Variants in HSPG2 observed in about 807,000 individuals in gnomAD.
HSPG2 encodes basement membrane-specific heparan sulfate proteoglycan core protein.
In HSPG2, 278 loss-of-function variants were observed where a neutral mutation model predicts 526.6. The ratio of observed to expected loss-of-function variants is 0.53; its 90% CI spans 0.48 to 0.58. The LOEUF (loss-of-function observed/expected upper bound fraction) is 0.58. HSPG2 is among the 20% of genes least tolerant of loss of function. HSPG2 has a pLI of 0.00. For missense variants in HSPG2, 5,354 were observed against 6,099.5 expected (o/e 0.88, Z 4.07); for synonymous variants, 2,465 against 2,555.4 (o/e 0.96, Z 1.07).
rs1467290199 is a variant in HSPG2 at position 21,898,944 on chromosome 1, CG to C, written c.64-2635del. Among the ~76,000 whole-genome samples the C allele has an allele frequency of 6.6e-6, 1 of 152,168 alleles. No homozygotes were observed. Among genetic ancestry groups the C allele is most frequent in the Non-Finnish European group, 1.5e-5 (1 of 68,030 alleles). On this transcript the variant is annotated intron_variant, in intron 1 of 96. Coordinates refer to ENST00000374695, the MANE Select transcript of HSPG2 (RefSeq NM_005529.7). The surrounding 1 kb of genome is among the most constrained non-coding windows in gnomAD (Gnocchi z 4.0). ...CAGGGAGCTGGTCAGCGGGTGGCGG[CG>C]GGGGTGGCCTTGGGACCAGACAGGA...
intron 1 of HSPG2, among the ~76,000 whole-genome samples, chr1:21,934,841 C>T (rs1644442871): frequency 6.6e-6 from 1 of 152,114 alleles, no homozygotes; most frequent in Admixed American, 6.5e-5. Flanking sequence ...ATGATCCGCT[C>T]GCCTCGGCCT....
At position 21,885,076 on chromosome 1, in the gene HSPG2, A is replaced by G. The variant is rs765324114; in HGVS notation, c.1292T>C (p.Ile431Thr). The change falls in exon 11 of 97, where the codon ATT becomes ACT. Residue 431 changes from isoleucine to threonine, a missense_variant. Ile to Thr is a moderately conservative substitution (Grantham distance 89, BLOSUM62 -1). Transcript: ENST00000374695. Reference sequence around the variant, plus strand: ...ATTGATGATGGGGGTGGGGACGCCAATGGCCACGCAGGTGAAGGTCACTGT... The same window carrying G: ...ATTGATGATGGGGGTGGGGACGCCAGTGGCCACGCAGGTGAAGGTCACTGT... ...GQTVTFTCVAIGVPTPIINWR... is the reference protein window; with the variant it reads ...GQTVTFTCVATGVPTPIINWR... 1.1e-5 allele frequency: 18 copies of G among 1,613,774 alleles called. No homozygotes were observed. The highest frequency in any genetic ancestry group is 1.5e-5 in the Non-Finnish European group (18 of 1,179,982).
intron 57 of HSPG2, among the ~76,000 whole-genome samples, chr1:21,849,559 G>A (rs1320729773): frequency 2.0e-5 from 3 of 152,192 alleles, no homozygotes; most frequent in African/African-American, 7.2e-5. Flanking sequence ...TTTTCTTAGA[G>A]GTACATAAAA....
In HSPG2 at chr1:21,860,133, C is replaced by T. The variant is rs781196026; in HGVS notation, c.5014+44G>A. Reference sequence around the variant, plus strand: ...GTATCCCCCAAATTCCCAGGGCTCCCTGCCTTGCCCATCGTCCCCATCCTG... The same window carrying T: ...GTATCCCCCAAATTCCCAGGGCTCCTTGCCTTGCCCATCGTCCCCATCCTG... On this transcript the variant is annotated intron_variant, in intron 40 of 96. Transcript: ENST00000374695. 5 of 1,611,330 alleles carry T rather than the reference C, an allele frequency of 3.1e-6. No individual in the cohort carries two copies. The African/African-American group carries it at 5.3e-5, about 17-fold the overall frequency.
At position 21,853,055 on chromosome 1, in the gene HSPG2, C is replaced by A. The variant is rs543135354; in HGVS notation, c.6455G>T (p.Arg2152Leu). 6.2e-7 allele frequency: 1 copy of A among 1,613,812 alleles called. No homozygotes were observed. Among genetic ancestry groups the A allele is most frequent in the Admixed American group, 1.7e-5 (1 of 60,020 alleles). ...GGAGGAGGGCTCGATGCGGATGGGC[C>A]GGGTGCTGCCGGGCACTGGACACAG... ...PSYTPVPGST[R>L]PIRIEPSSSH... The change falls in exon 51 of 97, where the codon CGG becomes CTG. Residue 2152 changes from arginine (R) to leucine (L), a missense_variant. Transcript: ENST00000374695.
At chr1:21,843,254 C>T (rs777331551) in intron 66 of HSPG2, 43 bp downstream of exon 66, 60 of 1,612,794 alleles carry the variant, frequency 3.7e-5, no homozygotes, top group Admixed American at 6.7e-5. Context: ...GAAGGAGCCC[C>T]GCGCCTGTGC....
At chr1:21,910,779 C>T (rs1250503975) in intron 1 of HSPG2, among the ~76,000 whole-genome samples, 1 of 152,112 alleles carries the variant, frequency 6.6e-6, no homozygotes, top group East Asian at 1.9e-4. Context: ...ACGTTGCCAG[C>T]TCTCAGCTTG....
chr1:21,872,683 G>A lies in HSPG2; in HGVS notation c.3966C>T (p.Cys1322=). The change falls in exon 32 of 97, where the codon TGC becomes TGT. Residue 1322 remains cysteine, a synonymous_variant. Coordinates refer to ENST00000374695, the MANE Select transcript of HSPG2 (RefSeq NM_005529.7). This position sits in a 1 kb window ranked among gnomAD's most constrained non-coding sequence, Gnocchi z 5.5. ...TGATGCCCATACAGAAGCAGGGCAG[G>A]CAGCCGTCTGGGTTGCTGGCACTCA... ...FHLSASNPDG[C]LPCFCMGITQ... The A allele has an allele frequency of 6.2e-7, 1 of 1,606,420 alleles. No homozygotes were observed. Among genetic ancestry groups the A allele is most frequent in the Admixed American group, 1.7e-5 (1 of 58,414 alleles).
chr1:21,828,074 C>T lies in HSPG2; in HGVS notation c.12488G>A (p.Arg4163His), dbSNP rs900810600. ...CLHGGTCQGT[R>H]CLCLPGFSGP... ...AGAGAAGCCAGGGAGGCAGAGGCAGCGGGTGCCCTGGCAGGTGCCCCCATG... is the reference window on the plus strand; with the variant it reads ...AGAGAAGCCAGGGAGGCAGAGGCAGTGGGTGCCCTGGCAGGTGCCCCCATG... The change falls in exon 90 of 97, where the codon CGC (arginine) becomes CAC (histidine). Residue 4163 changes from arginine to histidine, a missense_variant. Arg to His is a conservative substitution (Grantham distance 29). Transcript: ENST00000374695. The surrounding 1 kb of genome is among the most constrained non-coding windows in gnomAD (Gnocchi z 6.0). 11 of 1,603,484 alleles carry T rather than the reference C, an allele frequency of 6.9e-6. No homozygotes were observed. Among genetic ancestry groups the T allele is most frequent in the Middle Eastern group, 1.7e-4 (1 of 6,032 alleles).
rs1643272975 is a variant in HSPG2, at chr1:21,904,616, A to C, written c.64-8306T>G. On this transcript the variant is annotated intron_variant, in intron 1 of 96. Transcript: ENST00000374695. This position sits in a 1 kb window ranked among gnomAD's most constrained non-coding sequence, Gnocchi z 4.4. ...GGCTGAATGAGCTGCCTGCCAGCTT[A>C]CAGGGAACCAGGAAGCCACCGGGAA... is the stretch of plus-strand genomic sequence containing the variant. Among the ~76,000 whole-genome samples, 1 of 152,182 alleles carries C rather than the reference A, an allele frequency of 6.6e-6. No homozygotes were observed. The highest frequency in any genetic ancestry group is 2.1e-4 in the South Asian group (1 of 4,826).
Position 21,865,092 on chromosome 1 carries a change from C to A in HSPG2, c.4396-19G>T, listed in dbSNP as rs141591434. Reference sequence around the variant, plus strand: ...AGAATTCCTGGGTTGGGGGTGGCAACGTGGGCGGGGGCAGTGGGCTTTGTG... The same window carrying A: ...AGAATTCCTGGGTTGGGGGTGGCAAAGTGGGCGGGGGCAGTGGGCTTTGTG... On this transcript the variant is annotated intron_variant, in intron 35 of 96. Coordinates refer to ENST00000374695, the MANE Select transcript of HSPG2 (RefSeq NM_005529.7). The surrounding 1 kb of genome is among the most constrained non-coding windows in gnomAD (Gnocchi z 5.4). 6 of 1,556,716 alleles carry A rather than the reference C, an allele frequency of 3.9e-6. No individual in the cohort carries two copies. Among genetic ancestry groups the A allele is most frequent in the Admixed American group, 1.9e-5 (1 of 52,392 alleles).
In HSPG2 at chr1:21,893,781, CAG is replaced by C. The variant is rs545027321; in HGVS notation, c.244+2139_244+2140del. ...CAAGAGAGAGGGAGACACAAAGAGACAGAAAGACAGAGACAGAGATAAAGAAA... is the reference window on the plus strand; with the variant it reads ...CAAGAGAGAGGGAGACACAAAGAGACAAAGACAGAGACAGAGATAAAGAAA... On this transcript the variant is annotated intron_variant, in intron 3 of 96. Transcript: ENST00000374695. The surrounding 1 kb of genome is among the most constrained non-coding windows in gnomAD (Gnocchi z 4.3). 2.0e-5 allele frequency among the ~76,000 whole-genome samples: 3 copies of C among 148,314 alleles called. No individual in the cohort carries two copies. In the East Asian group the frequency reaches 6.0e-4, roughly 29 times the overall value.
At chr1:21,919,796 G>A (rs572910439) in intron 1 of HSPG2, among the ~76,000 whole-genome samples, 34 of 152,314 alleles carry the variant, frequency 2.2e-4, no homozygotes, top group African/African-American at 7.5e-4. Flanking sequence ...GACCATCCTC[G>A]GAGTTATAAG....
At chr1:21,885,823 C>A (rs1269336119) in intron 9 of HSPG2, among the ~76,000 whole-genome samples, 1 of 152,244 alleles carries the variant, frequency 6.6e-6, no homozygotes, top group African/African-American at 2.4e-5. Flanking sequence ...TGGGCGCCAG[C>A]AATGCCCCGC....
chr1:21,829,845 G>A, intron 86 of HSPG2, 148 bp downstream of exon 86: 1 of 789,798 alleles, frequency 1.3e-6, no homozygotes, highest in Non-Finnish European at 2.1e-6. Flanking sequence ...GGCTCAGGCT[G>A]GGCAGACATG....
chr1:21,926,649 A>T (rs951061181), intron 1 of HSPG2, among the ~76,000 whole-genome samples: 2 of 151,128 alleles, frequency 1.3e-5, no homozygotes, highest in African/African-American at 4.9e-5. Context: ...AATCCCTGCT[A>T]CCAGGGAGGC....
chr1:21,869,715 A>G (rs1033681194), intron 33 of HSPG2: 7 of 985,972 alleles, frequency 7.1e-6, no homozygotes, highest in Non-Finnish European at 8.4e-6. Context: ...AGGGACAGAA[A>G]GGACGTCCGT....
Position 21,858,845 on chromosome 1 carries a change from C to T in HSPG2, c.5293+721G>A, listed in dbSNP as rs534101113. ...AATGACTGACAGAAGCTGGCCTAGA[C>T]ATACTGCAGCTCCTTGGACCCCAGG... On this transcript the variant is annotated intron_variant, in intron 42 of 96. Coordinates refer to ENST00000374695, the MANE Select transcript of HSPG2 (RefSeq NM_005529.7). The surrounding 1 kb of genome is among the most constrained non-coding windows in gnomAD (Gnocchi z 4.2). Among the ~76,000 whole-genome samples the T allele has an allele frequency of 6.6e-6, 1 of 152,370 alleles. No individual in the cohort carries two copies. The highest frequency in any genetic ancestry group is 2.1e-4 in the South Asian group (1 of 4,828).
In HSPG2 at chr1:21,851,621, G is replaced by A; in HGVS notation, c.7083C>T (p.Asn2361=). ...CATGGGACTGCCCGGGCACCACGCA[G>A]TTCAGATCCAGGGTCTGCCCTTCCG... ...QVAEGQTLDL[N]CVVPGQSHAQ... The change falls in exon 55 of 97, where the codon AAC becomes AAT. Residue 2361 remains asparagine (N), a synonymous_variant. Transcript: ENST00000374695. 1.2e-6 allele frequency: 2 copies of A among 1,614,002 alleles called. No homozygotes were observed. Among genetic ancestry groups the A allele is most frequent in the East Asian group, 4.5e-5 (2 of 44,870 alleles).
Sources: gnomAD v4.1 joint callset for allele counts (sites outside exome capture counted in the v4.1 genomes callset) on GRCh38, gnomAD v4.1.1 for gene constraint, Gnocchi (gnomAD v3.1) non-coding constraint, MANE v1.5 for transcripts, NCBI Gene and HGNC (gene_info 2026-07-23, HGNC 2026-07-21) for gene names.